The following EDEM3 variants were observed in gnomAD, a reference collection of about 807,000 sequenced individuals.
EDEM3 encodes the protein ER degradation-enhancing alpha-mannosidase-like protein 3.
Under a neutral mutation model 110.2 loss-of-function variants are expected in EDEM3, and 60 were observed. The ratio of observed to expected loss-of-function variants is 0.54; its 90% CI spans 0.44 to 0.67. EDEM3 has a LOEUF of 0.67. Ranked by LOEUF, EDEM3 falls within the 30% of genes least tolerant of loss-of-function variation. EDEM3 has a pLI of 0.00. For missense variants in EDEM3, 996 were observed against 1,121.0 expected, an observed-to-expected ratio of 0.89 and a Z score of 1.59; for synonymous variants, 352 against 382.9, an observed-to-expected ratio of 0.92 and a Z score of 0.94.
chr1:184,743,693 T>C lies in EDEM3; in HGVS notation c.204+5854A>G, dbSNP rs556496552. Reference sequence around the variant, plus strand: ...AACTGCCTGAGTTCAGGACCCACTATTAAACTACAATAATCAGGACAATGT... The same window carrying C: ...AACTGCCTGAGTTCAGGACCCACTACTAAACTACAATAATCAGGACAATGT... On this transcript the variant is annotated intron_variant, in intron 2 of 19. Transcript: ENST00000318130. 5.9e-5 allele frequency among the ~76,000 whole-genome samples: 9 copies of C among 152,194 alleles called. No individual in the cohort carries two copies. The South Asian group carries it at 1.2e-3, about 21-fold the overall frequency.
rs116126970 is a variant in EDEM3, at chr1:184,754,345, G to A, written c.158+144C>T. ...GGCGGTTCCCACCTCCCCGGACCCT[G>A]TCCACCCCTCTAGGGTTCTCGCGCG... On this transcript the variant is annotated intron_variant, in intron 1 of 19. Transcript: ENST00000318130. 2,693 of 1,334,682 alleles carry A rather than the reference G, an allele frequency of 2.0e-3. 34 individuals are homozygous for A. The highest frequency in any genetic ancestry group is 0.019 in the African/African-American group (1,224 of 65,266). 82.7% of individuals were successfully genotyped at this position (1,334,682 alleles called of 1,614,324 possible).
chr1:184,732,656 A>G (rs1651592108), intron 6 of EDEM3, 181 bp downstream of exon 6: 7 of 618,574 alleles, frequency 1.1e-5, no homozygotes, highest in Non-Finnish European at 1.8e-5. Context: ...TAATCTAATT[A>G]TCACATCACT....
intron 19 of EDEM3, 65 bp from the exon 20 acceptor site, chr1:184,694,537 AGCATATTG>A (rs1649232156): frequency 7.0e-7 from 1 of 1,435,216 alleles, no homozygotes; most frequent in South Asian, 1.4e-5. Context: ...CACTTTCCAA[AGCATATTG>A]GTTTTTGCAA....
At chr1:184,742,649 A>G (rs992228805) in intron 2 of EDEM3, among the ~76,000 whole-genome samples, 1 of 152,180 alleles carries the variant, frequency 6.6e-6, no homozygotes, top group Non-Finnish European at 1.5e-5. Flanking sequence ...TCGGCCTCCC[A>G]AAGTGTTGGG....
chr1:184,745,923 T>C (rs1471065040), intron 2 of EDEM3, among the ~76,000 whole-genome samples: 3 of 152,212 alleles, frequency 2.0e-5, no homozygotes, highest in Non-Finnish European at 4.4e-5. Flanking sequence ...ACATGTCATT[T>C]TGTCATCTAA....
chr1:184,735,935 T>C lies in EDEM3; in HGVS notation c.345+1090A>G, dbSNP rs1447795572. 2.6e-5 allele frequency among the ~76,000 whole-genome samples: 4 copies of C among 152,200 alleles called. No homozygotes were observed. The South Asian group carries it at 6.2e-4, about 24-fold the overall frequency. On this transcript the variant is annotated intron_variant, in intron 4 of 19. Coordinates refer to ENST00000318130, the MANE Select transcript of EDEM3 (RefSeq NM_025191.4). ...TCTAGCTTGTAATCAGACTCTTCCA[T>C]ATGTTTTCTTTAAGGCCAATAAACC... is the stretch of plus-strand genomic sequence containing the variant.
intron 18 of EDEM3, 76 bp from the exon 19 acceptor site, chr1:184,703,072 T>G: frequency 1.7e-6 from 2 of 1,170,990 alleles, no homozygotes; most frequent in Non-Finnish European, 2.3e-6. Context: ...TGTTACTGAT[T>G]TTTTACAATG....
chr1:184,754,635 G>C lies in EDEM3; in HGVS notation c.12C>G (p.Ala4=), dbSNP rs757628774. MSE[A]GGRGCGSPVP... ...CCGGGGACCCACAGCCCCGGCCGCC[G>C]GCTTCGCTCATGGCCCCGCGGTTCC... Residue 4 remains alanine (A), a synonymous_variant, in exon 1 of 20, where the codon GCC becomes GCG. Coordinates refer to ENST00000318130, the MANE Select transcript of EDEM3 (RefSeq NM_025191.4). The C allele has an allele frequency of 6.0e-5, 95 of 1,582,744 alleles. 1 individual carries two copies. Among genetic ancestry groups the C allele is most frequent in the Admixed American group, 5.1e-4 (28 of 55,022 alleles).
At chr1:184,735,890 A>G (rs114320651) in intron 4 of EDEM3, among the ~76,000 whole-genome samples, 118 of 152,214 alleles carry the variant, frequency 7.8e-4, no homozygotes, top group African/African-American at 2.7e-3. Flanking sequence ...TCTCCTGGGA[A>G]TTTTTGCCTC....
At chr1:184,723,884 A>AAT in intron 7 of EDEM3, 28 bp from the exon 8 acceptor site, 1 of 1,468,158 alleles carries the variant, frequency 6.8e-7, no homozygotes, top group Non-Finnish European at 9.1e-7. Flanking sequence ...AAAAAAAAAA[A>AAT]AGAAGTGCAT....
At position 184,691,907 on chromosome 1, in the gene EDEM3, C is replaced by T. The variant is rs570906898; in HGVS notation, c.*2156G>A. The stretch of plus-strand genomic sequence containing the variant: ...AGCGTCAATGAAAGGCAACACCTCC[C>T]TCTAATGGCCAAAGGAAGAGAGTGG... On this transcript the variant is annotated 3_prime_UTR_variant, in exon 20 of 20. Transcript: ENST00000318130. The T allele has an allele frequency of 2.8e-4, 42 of 152,204 alleles. No homozygotes were observed. The highest frequency in any genetic ancestry group is 9.4e-4 in the African/African-American group (39 of 41,552). 9.4% of individuals were successfully genotyped at this position (152,204 alleles called of 1,614,324 possible).
rs550436718 is a variant in EDEM3, at chr1:184,740,870, T to A, written c.205-3159A>T. Among the ~76,000 whole-genome samples the A allele has an allele frequency of 2.1e-3, 315 of 152,234 alleles. 1 individual carries two copies. The highest frequency in any genetic ancestry group is 7.2e-3 in the African/African-American group (299 of 41,528). On this transcript the variant is annotated intron_variant, in intron 2 of 19. Transcript: ENST00000318130. Reference sequence around the variant, plus strand: ...GGTTGTGACATAAAGGTTGAAGATGTCACAGAAAAAGCTATGCCCACAAAA... The same window carrying A: ...GGTTGTGACATAAAGGTTGAAGATGACACAGAAAAAGCTATGCCCACAAAA...
chr1:184,743,183 A>AC (rs1652236122), intron 2 of EDEM3, among the ~76,000 whole-genome samples: 1 of 152,190 alleles, frequency 6.6e-6, no homozygotes, highest in South Asian at 2.1e-4. Flanking sequence ...TAAAAATACA[A>AC]CCACACCTTT....
intron 14 of EDEM3, 117 bp from the exon 15 acceptor site, chr1:184,711,994 T>A: frequency 1.1e-5 from 8 of 731,858 alleles, no homozygotes; most frequent in South Asian, 2.2e-5. Flanking sequence ...TGGCGTAATC[T>A]CTGCTCACTG....
At chr1:184,711,242 G>A (rs571440779) in intron 15 of EDEM3, among the ~76,000 whole-genome samples, 4 of 152,178 alleles carry the variant, frequency 2.6e-5, no homozygotes, top group Non-Finnish European at 4.4e-5. Flanking sequence ...GGGATTACAG[G>A]TGCCTGCCAC....
chr1:184,728,701 C>T (rs1295060327), intron 6 of EDEM3, among the ~76,000 whole-genome samples: 1 of 151,926 alleles, frequency 6.6e-6, no homozygotes, highest in Non-Finnish European at 1.5e-5. Flanking sequence ...CCTCCACCTC[C>T]CGGGTTCAAG....
intron 6 of EDEM3, among the ~76,000 whole-genome samples, chr1:184,729,918 G>C (rs1383098705): frequency 6.6e-6 from 1 of 151,902 alleles, no homozygotes; most frequent in Non-Finnish European, 1.5e-5. Context: ...AAAACTAAAA[G>C]TATTTACTAA....
chr1:184,713,207 A>C (rs1446997001), intron 13 of EDEM3, among the ~76,000 whole-genome samples: 2 of 152,106 alleles, frequency 1.3e-5, no homozygotes, highest in Non-Finnish European at 2.9e-5. Flanking sequence ...TGGAGATTGC[A>C]GTGAGCCGAG....
intron 18 of EDEM3, among the ~76,000 whole-genome samples, chr1:184,706,112 GGA>G (rs1452492620): frequency 1.3e-5 from 2 of 151,478 alleles, no homozygotes; most frequent in Non-Finnish European, 2.9e-5. Context: ...CACTTCCACT[GGA>G]GCTCAAAAAT....
Sources: gnomAD v4.1 joint callset for allele counts (sites outside exome capture counted in the v4.1 genomes callset) on GRCh38, gnomAD v4.1.1 for gene constraint, MANE v1.5 for transcripts, NCBI Gene and HGNC (gene_info 2026-07-23, HGNC 2026-07-21) for gene names.